The following TOGARAM1 variants were observed in gnomAD, a reference collection of about 807,000 sequenced individuals.
TOGARAM1 encodes TOG array regulator of axonemal microtubules protein 1.
In TOGARAM1, 100 loss-of-function variants were observed where a neutral mutation model predicts 166.6. The observed-to-expected ratio is 0.60, with a 90% CI of 0.51 to 0.71. The LOEUF is 0.71. Among genes scored for constraint, TOGARAM1 ranks in the 30% least tolerant of loss-of-function variants. The pLI, the probability that TOGARAM1 is intolerant of heterozygous loss-of-function variation, is 0.00. For synonymous variants in TOGARAM1, 758 were observed against 763.8 expected (o/e 0.99, Z 0.13); for missense variants, 2,029 against 2,102.7 (o/e 0.96, Z 0.69).
At chr14:45,021,544 A>T (rs948709524) in intron 7 of TOGARAM1, among the ~76,000 whole-genome samples, 1 of 152,198 alleles carries the variant, frequency 6.6e-6, no homozygotes, top group Non-Finnish European at 1.5e-5. Context: ...TGTTGCTTGA[A>T]GAGCAGGCCC....
intron 11 of TOGARAM1, among the ~76,000 whole-genome samples, chr14:45,033,999 G>A (rs1025768571): frequency 2.0e-5 from 3 of 151,858 alleles, no homozygotes; most frequent in Non-Finnish European, 4.4e-5. Context: ...ACTAAAAAAC[G>A]CAAAAAATCA....
chr14:45,009,276 A>G, intron 6 of TOGARAM1, 131 bp downstream of exon 6: 1 of 738,240 alleles, frequency 1.4e-6, no homozygotes, highest in Non-Finnish European at 2.1e-6. Flanking sequence ...TATTTAAAAG[A>G]CATTGGAAAT....
rs767081724 is a variant in TOGARAM1, at chr14:44,963,032, A to G, written c.611A>G (p.His204Arg). 6 of 1,614,192 alleles carry G rather than the reference A, an allele frequency of 3.7e-6. No individual in the cohort carries two copies. The highest frequency in any genetic ancestry group is 4.2e-6 in the Non-Finnish European group (5 of 1,180,036). Residue 204 changes from histidine (H) to arginine (R), a missense_variant, in exon 1 of 20, where the codon CAT becomes CGT. Physicochemically the swap from His to Arg is conservative, Grantham distance 29 (BLOSUM62 0). Around this residue, in one of 2 missense-constraint regions of TOGARAM1, gnomAD observed 1,453 missense variants for 1,432.2 expected, o/e 1.01. Coordinates refer to ENST00000361462, the MANE Select transcript of TOGARAM1 (RefSeq NM_001308120.2). Reference protein sequence around the residue: ...ALRKDALQILHICLKRSPGEV... With the variant: ...ALRKDALQILRICLKRSPGEV... ...CGGAAAGATGCGCTGCAGATCCTTC[A>G]TATATGTCTGAAACGTAGTCCTGGA...
intron 2 of TOGARAM1, 124 bp downstream of exon 2, chr14:44,996,026 G>A: frequency 1.5e-6 from 1 of 675,168 alleles, no homozygotes; most frequent in Non-Finnish European, 2.3e-6. Flanking sequence ...GTTATTTATT[G>A]AAGATCTGAT....
At chr14:45,053,743 C>G (rs1406048370) in intron 15 of TOGARAM1, among the ~76,000 whole-genome samples, 1 of 151,960 alleles carries the variant, frequency 6.6e-6, no homozygotes, top group Admixed American at 6.6e-5. Context: ...TTAAATAGTT[C>G]TCATCAAAAT....
rs1457599022 is a variant in TOGARAM1 at position 45,008,945 on chromosome 14, T to C, written c.2937T>C (p.Ser979=). Residue 979 remains serine, a synonymous_variant, in exon 6 of 20, where the codon AGT becomes AGC. Transcript: ENST00000361462. ...GCTCTCTTAGGTCCCTTCGTAATAGTGCAGCTAAGAAAAGAGCAAAACTGA... is the reference window on the plus strand; with the variant it reads ...GCTCTCTTAGGTCCCTTCGTAATAGCGCAGCTAAGAAAAGAGCAAAACTGA... ...MHSSLRSLRN[S]AAKKRAKLSG... 5 of 1,613,954 alleles carry C rather than the reference T, an allele frequency of 3.1e-6. No individual in the cohort carries two copies. The highest frequency in any genetic ancestry group is 4.2e-6 in the Non-Finnish European group (5 of 1,179,964).
At chr14:45,063,626 C>T (rs913106494) in intron 16 of TOGARAM1, among the ~76,000 whole-genome samples, 9 of 151,816 alleles carry the variant, frequency 5.9e-5, no homozygotes, top group African/African-American at 1.2e-4. Flanking sequence ...ACTATAGGCG[C>T]GTGCCACCAT....
chr14:44,972,244 A>T (rs1272617042), intron 1 of TOGARAM1, among the ~76,000 whole-genome samples: 1 of 151,920 alleles, frequency 6.6e-6, no homozygotes, highest in Non-Finnish European at 1.5e-5. Context: ...TATGATTTCT[A>T]TTCTTTTAAA....
intron 1 of TOGARAM1, among the ~76,000 whole-genome samples, chr14:44,976,929 A>C (rs1886227788): frequency 6.6e-6 from 1 of 152,218 alleles, no homozygotes. Context: ...CTCTACTTCT[A>C]AACCTAAAAA....
intron 1 of TOGARAM1, chr14:44,995,378 C>T (rs972971726): frequency 4.6e-6 from 2 of 430,224 alleles, no homozygotes; most frequent in Non-Finnish European, 9.4e-6. Flanking sequence ...TGACCTTCAA[C>T]TGGCACTTAT....
intron 3 of TOGARAM1, among the ~76,000 whole-genome samples, 187 bp downstream of exon 3, chr14:44,999,684 A>G (rs1887606726): frequency 6.6e-6 from 1 of 152,226 alleles, no homozygotes; most frequent in Admixed American, 6.5e-5. Flanking sequence ...CTTTATATAA[A>G]TACAACTGAT....
chr14:45,016,060 AT>A (rs888394136), intron 7 of TOGARAM1, among the ~76,000 whole-genome samples: 65 of 148,226 alleles, frequency 4.4e-4, no homozygotes, highest in Admixed American at 6.1e-4. Context: ...ATTAAAAAAA[AT>A]TTTTTTTTTT....
chr14:45,021,687 G>T (rs997160519), intron 7 of TOGARAM1, among the ~76,000 whole-genome samples: 3 of 152,146 alleles, frequency 2.0e-5, no homozygotes, highest in Non-Finnish European at 4.4e-5. Context: ...CGCGGTTGGG[G>T]TAGATAAAAT....
intron 7 of TOGARAM1, among the ~76,000 whole-genome samples, chr14:45,017,752 G>T (rs1327083796): frequency 6.6e-6 from 1 of 152,160 alleles, no homozygotes; most frequent in African/African-American, 2.4e-5. Context: ...GAGCGTGGTG[G>T]CAGGCACCTG....
intron 13 of TOGARAM1, among the ~76,000 whole-genome samples, chr14:45,045,074 T>A (rs1298729780): frequency 6.6e-6 from 1 of 152,196 alleles, no homozygotes; most frequent in Non-Finnish European, 1.5e-5. Flanking sequence ...TATGTATACT[T>A]CTTTTGTCCC....
intron 11 of TOGARAM1, among the ~76,000 whole-genome samples, chr14:45,042,563 A>G (rs1308022034): frequency 6.6e-6 from 1 of 152,122 alleles, no homozygotes; most frequent in Non-Finnish European, 1.5e-5. Flanking sequence ...CAAATCTACA[A>G]TTATATCTAT....
intron 1 of TOGARAM1, 117 bp downstream of exon 1, chr14:44,964,584 G>T: frequency 1.7e-6 from 2 of 1,189,864 alleles, no homozygotes; most frequent in Middle Eastern, 4.6e-4. Flanking sequence ...GTTTTAAATT[G>T]ATTTTAAATC....
chr14:44,986,931 A>G (rs1285089379), intron 1 of TOGARAM1, among the ~76,000 whole-genome samples: 1 of 150,642 alleles, frequency 6.6e-6, no homozygotes, highest in South Asian at 2.1e-4. Context: ...GTGTGAACCC[A>G]GGAGGCGAGC....
At chr14:45,004,762 A>G (rs1435742429) in intron 4 of TOGARAM1, among the ~76,000 whole-genome samples, 1 of 151,476 alleles carries the variant, frequency 6.6e-6, no homozygotes, top group Admixed American at 6.6e-5. Flanking sequence ...AGAAAATAGT[A>G]ATGTTTTATA....
Sources: gnomAD v4.1 joint callset for allele counts (sites outside exome capture counted in the v4.1 genomes callset) on GRCh38, gnomAD v4.1.1 for gene constraint, gnomAD v4.1.1 regional missense constraint, MANE v1.5 for transcripts, NCBI Gene and HGNC (gene_info 2026-07-23, HGNC 2026-07-21) for gene names.